Variants in MYLK observed in about 807,000 individuals in gnomAD.
MYLK encodes the protein myosin light chain kinase, also known as myosin light chain kinase, smooth muscle.
Under a neutral mutation model 203.4 loss-of-function variants are expected in MYLK, and 106 were observed. The observed-to-expected ratio is 0.52, with a 90% CI of 0.45 to 0.61. The LOEUF (loss-of-function observed/expected upper bound fraction) is 0.61. Ranked by LOEUF, MYLK falls within the 20% of genes least tolerant of loss-of-function variation. MYLK has a pLI of 0.00. For synonymous variants in MYLK, 867 were observed against 959.5 expected, an observed-to-expected ratio of 0.90 and a Z score of 1.78; for missense variants, 2,072 against 2,442.3, an observed-to-expected ratio of 0.85 and a Z score of 3.20.
chr3:123,830,741 G>A (rs909119812), intron 3 of MYLK, among the ~76,000 whole-genome samples: 2 of 152,162 alleles, frequency 1.3e-5, no homozygotes, highest in Non-Finnish European at 2.9e-5. Flanking sequence ...CTGAAGTACT[G>A]TAGTAGTTAG....
Position 123,834,121 on chromosome 3 carries a change from C to T in MYLK, c.-126-2451G>A, listed in dbSNP as rs866763183. ...TGTGCAGTGGTGCAATCTCAGCTCA[C>T]TGCAACCTCTGCCTCCCATGTTCAA... is the stretch of plus-strand genomic sequence containing the variant. On this transcript the variant is annotated intron_variant, in intron 2 of 33. Transcript: ENST00000360304. Among the ~76,000 whole-genome samples the T allele has an allele frequency of 8.1e-4, 123 of 152,294 alleles. 1 individual carries two copies. In the Middle Eastern group the frequency reaches 0.01, roughly 13 times the overall value.
At chr3:123,713,460 G>A (rs1429665995) in intron 13 of MYLK, among the ~76,000 whole-genome samples, 2 of 152,024 alleles carry the variant, frequency 1.3e-5, no homozygotes, top group Non-Finnish European at 2.9e-5. Context: ...CTCCTCCAAC[G>A]GTGCCCATGG....
At position 123,707,765 on chromosome 3, in the gene MYLK, C is replaced by A; in HGVS notation, c.2379G>T (p.Glu793Asp). 1 of 1,614,218 alleles carries A rather than the reference C, an allele frequency of 6.2e-7. No homozygotes were observed. Among genetic ancestry groups the A allele is most frequent in the Non-Finnish European group, 8.5e-7 (1 of 1,180,046 alleles). The part of the protein sequence containing the change: ...KVQPWHAGQY[E>D]ILLKNRVGEC... ...ACATGCAGACTCACTTGAGCAGGATCTCATACTGGCCGGCATGCCAGGGCT... is the reference window on the plus strand; with the variant it reads ...ACATGCAGACTCACTTGAGCAGGATATCATACTGGCCGGCATGCCAGGGCT... Residue 793 changes from glutamate (E) to aspartate (D), a missense_variant, in exon 16 of 34, where the codon GAG (glutamate) becomes GAT (aspartate). Physicochemically the swap from Glu to Asp is conservative, Grantham distance 45. Transcript: ENST00000360304.
At position 123,782,106 on chromosome 3, in the gene MYLK, GA is replaced by G. The variant is rs546617948; in HGVS notation, c.165+11570del. Among the ~76,000 whole-genome samples the G allele has an allele frequency of 1.5e-3, 230 of 152,272 alleles. 2 individuals are homozygous for G. The Middle Eastern group carries it at 0.02, about 14-fold the overall frequency. ...ATCTGAATCGTGATTTTATAAGAAG[GA>G]ATGTGAGACTCGGGAAGGTTTAGTG... is the stretch of plus-strand genomic sequence containing the variant. On this transcript the variant is annotated intron_variant, in intron 4 of 33. Transcript: ENST00000360304.
chr3:123,718,238 G>A (rs1438953250), intron 13 of MYLK, among the ~76,000 whole-genome samples: 1 of 152,136 alleles, frequency 6.6e-6, no homozygotes. Flanking sequence ...GAAAAGCGAG[G>A]AATTCTAGGG....
At chr3:123,659,717 G>T (rs2059503984) in intron 23 of MYLK, 1 of 517,634 alleles carries the variant, frequency 1.9e-6, no homozygotes, top group African/African-American at 1.9e-5. Flanking sequence ...CTTAGAACAG[G>T]GAGCTCCTGT....
chr3:123,826,196 C>T (rs771297619), intron 3 of MYLK, among the ~76,000 whole-genome samples: 3 of 152,200 alleles, frequency 2.0e-5, no homozygotes, highest in Non-Finnish European at 4.4e-5. Context: ...AGATATTCTC[C>T]CAGGCTGGCT....
In MYLK at chr3:123,752,355, C is replaced by T; in HGVS notation, c.349G>A (p.Val117Met). 1 of 1,614,168 alleles carries T rather than the reference C, an allele frequency of 6.2e-7. No individual in the cohort carries two copies. The highest frequency in any genetic ancestry group is 8.5e-7 in the Non-Finnish European group (1 of 1,180,036). ...CCTTCTACTGTCAACTCCACTGTCA[C>T]CTGGCGAGCACCACTGCCATTGGTG... ...EATNGSGARQ[V>M]TVELTVEGSF... Residue 117 changes from valine to methionine, a missense_variant, in exon 5 of 34, where the codon GTG (valine) becomes ATG (methionine). Transcript: ENST00000360304.
Position 123,706,266 on chromosome 3 carries a change from A to G in MYLK, c.2390+1488T>C, listed in dbSNP as rs144662524. Among the ~76,000 whole-genome samples, 34 of 152,346 alleles carry G rather than the reference A, an allele frequency of 2.2e-4. 1 individual carries two copies. The East Asian group carries it at 6.6e-3, about 29-fold the overall frequency. ...TTATTAAGTATTGGGGTGGTTCGTT[A>G]TGCAGCAAAAGATAACTGATTCAGG... On this transcript the variant is annotated intron_variant, in intron 16 of 33. Transcript: ENST00000360304.
chr3:123,746,464 A>G (rs1240391968), intron 5 of MYLK, among the ~76,000 whole-genome samples: 2 of 152,090 alleles, frequency 1.3e-5, no homozygotes, highest in Admixed American at 6.6e-5. Context: ...GCAAAAATCT[A>G]AGTTAGGCCA....
intron 13 of MYLK, among the ~76,000 whole-genome samples, chr3:123,711,060 C>T (rs952851342): frequency 6.6e-6 from 1 of 151,514 alleles, no homozygotes; most frequent in Admixed American, 6.6e-5. Context: ...CACTGCACTC[C>T]AGCCTGGGAG....
chr3:123,856,603 A>G (rs1465811923), intron 2 of MYLK, among the ~76,000 whole-genome samples: 2 of 152,186 alleles, frequency 1.3e-5, no homozygotes, highest in Admixed American at 1.3e-4. Context: ...TCAGCTACTC[A>G]TACAAACCAG....
chr3:123,843,678 G>A lies in MYLK; in HGVS notation c.-126-12008C>T, dbSNP rs115263184. Among the ~76,000 whole-genome samples the A allele has an allele frequency of 3.4e-3, 522 of 152,222 alleles. 3 individuals are homozygous for A. Among genetic ancestry groups the A allele is most frequent in the African/African-American group, 0.012 (489 of 41,538 alleles). ...TTTCCAAAGGCCGTATCAGTCCAGAGAGAAAGACCAAAACAAAAGCCCCAC... is the reference window on the plus strand; with the variant it reads ...TTTCCAAAGGCCGTATCAGTCCAGAAAGAAAGACCAAAACAAAAGCCCCAC... On this transcript the variant is annotated intron_variant, in intron 2 of 33. Coordinates refer to ENST00000360304, the MANE Select transcript of MYLK (RefSeq NM_053025.4).
At chr3:123,879,330 G>A (rs2033365938) in intron 1 of MYLK, among the ~76,000 whole-genome samples, 1 of 152,278 alleles carries the variant, frequency 6.6e-6, no homozygotes, top group South Asian at 2.1e-4. Flanking sequence ...GTTTGGGAGT[G>A]CGCTGCAAGG....
intron 2 of MYLK, among the ~76,000 whole-genome samples, chr3:123,859,676 A>C (rs1229923473): frequency 6.6e-6 from 1 of 152,266 alleles, no homozygotes; most frequent in East Asian, 1.9e-4. Context: ...AGTAAAAGAC[A>C]AATCGTTTAA....
intron 23 of MYLK, among the ~76,000 whole-genome samples, chr3:123,661,766 G>C (rs944107033): frequency 6.6e-6 from 1 of 152,164 alleles, no homozygotes; most frequent in Admixed American, 6.5e-5. Context: ...TGGACAACTG[G>C]GGGTGGGGAG....
At chr3:123,874,450 CTCTA>C (rs1328729292) in intron 2 of MYLK, among the ~76,000 whole-genome samples, 1 of 152,118 alleles carries the variant, frequency 6.6e-6, no homozygotes, top group Non-Finnish European at 1.5e-5. Context: ...ACAACAGAAT[CTCTA>C]TCTATACCTT....
At chr3:123,848,570 G>A (rs2030345081) in intron 2 of MYLK, among the ~76,000 whole-genome samples, 1 of 152,062 alleles carries the variant, frequency 6.6e-6, no homozygotes, top group Non-Finnish European at 1.5e-5. Flanking sequence ...AAATGACACA[G>A]TTCTAACCAA....
chr3:123,840,990 C>T (rs777007547), intron 2 of MYLK, among the ~76,000 whole-genome samples: 5 of 152,016 alleles, frequency 3.3e-5, no homozygotes, highest in East Asian at 1.9e-4. Context: ...AGATGGAGTA[C>T]GAAGAAACAG....
Sources: allele counts gnomAD v4.1 joint callset (sites outside exome capture counted in the v4.1 genomes callset), GRCh38; gene constraint gnomAD v4.1.1; transcripts MANE v1.5; gene names NCBI Gene and HGNC (gene_info 2026-07-23, HGNC 2026-07-21).